GSE1: variants seen among roughly 807,000 people sequenced by gnomAD.
GSE1 encodes the protein Gse1 coiled-coil protein.
GSE1 carries 32 observed loss-of-function variants against 112.6 expected under a neutral mutation model. The ratio of observed to expected loss-of-function variants is 0.28; its 90% CI spans 0.21 to 0.38. The LOEUF (loss-of-function observed/expected upper bound fraction) is 0.38, where lower values mean the gene tolerates loss of function less well. Ranked by LOEUF, GSE1 falls within the 10% of genes least tolerant of loss-of-function variation. GSE1 has a pLI of 1.00. For missense variants in GSE1, 2,348 were observed against 1,699.2 expected (o/e 1.38, Z -6.71); for synonymous variants, 1,115 against 735.6 (o/e 1.52, Z -8.35).
intron 1 of GSE1, among the ~76,000 whole-genome samples, chr16:85,231,329 AGATG>A (rs1164218250): frequency 2.7e-5 from 4 of 146,000 alleles, no homozygotes; most frequent in African/African-American, 5.1e-5. Context: ...ATAGAAGGAC[AGATG>A]GATGGATGGA....
intron 2 of GSE1, among the ~76,000 whole-genome samples, chr16:85,389,460 CAAAAAAAAAAA>C (rs59509773): frequency 2.6e-5 from 2 of 77,842 alleles, no homozygotes; most frequent in Non-Finnish European, 5.2e-5. Context: ...ACTCTGTCTC[CAAAAAAAAAAA>C]AAAAAAAAAA....
chr16:85,291,054 C>T (rs1351135641), intron 1 of GSE1, among the ~76,000 whole-genome samples: 1 of 152,260 alleles, frequency 6.6e-6, no homozygotes, highest in African/African-American at 2.4e-5. Flanking sequence ...CAGGCAGACA[C>T]TGTCCACACA....
chr16:85,246,101 T>C (rs1448606977), intron 1 of GSE1, among the ~76,000 whole-genome samples: 2 of 151,342 alleles, frequency 1.3e-5, no homozygotes, highest in East Asian at 3.9e-4. Flanking sequence ...GCAGGAAACC[T>C]GAGACCACAC....
chr16:85,653,204 TCCTC>T (rs1208838997), intron 3 of GSE1, among the ~76,000 whole-genome samples: 8 of 54 alleles, frequency 0.15, no homozygotes, highest in Non-Finnish European at 0.25. Flanking sequence ...TCCTCCCCCC[TCCTC>T]CCCCCTCCCC....
At chr16:85,307,506 C>A (rs1228187178) in intron 1 of GSE1, among the ~76,000 whole-genome samples, 2 of 152,194 alleles carry the variant, frequency 1.3e-5, no homozygotes, top group African/African-American at 4.8e-5. Context: ...GGGGAGGGAC[C>A]CATGGGGTGA....
At position 85,665,116 on chromosome 16, in the gene GSE1, G is replaced by A. The variant is rs759006305; in HGVS notation, c.2746G>A (p.Val916Ile). ...LTNSPRDSPA[V>I]SLSEPATQQA... ...AAACTCTCCGAGGGACAGTCCTGCC[G>A]TCTCCCTGAGTGGTAAGGGAAGGAT... The change falls in exon 12 of 16, where the codon GTC (valine) becomes ATC (isoleucine). Residue 916 changes from valine (V) to isoleucine (I), a missense_variant. Transcript: ENST00000253458. The A allele has an allele frequency of 3.0e-5, 48 of 1,596,562 alleles. No individual in the cohort carries two copies. In the Middle Eastern group the frequency reaches 5.0e-4, roughly 17 times the overall value.
intron 1 of GSE1, among the ~76,000 whole-genome samples, chr16:85,344,346 T>G (rs1419513086): frequency 1.3e-5 from 2 of 152,150 alleles, no homozygotes; most frequent in Non-Finnish European, 2.9e-5. Context: ...GCCCGCGCGT[T>G]GCTTTTGCCC....
chr16:85,403,769 T>G (rs370189012), intron 2 of GSE1, among the ~76,000 whole-genome samples: 10 of 152,238 alleles, frequency 6.6e-5, no homozygotes, highest in Admixed American at 1.3e-4. Context: ...GCCACTGCAC[T>G]CCAGTCCTGG....
rs1159802556 is a variant in GSE1, at chr16:85,331,661, A to ATGTGTG, written c.2284-25782_2284-25777dup. 4.2e-3 allele frequency among the ~76,000 whole-genome samples: 360 copies of ATGTGTG among 85,362 alleles called. 33 individuals are homozygous for ATGTGTG. Among genetic ancestry groups the ATGTGTG allele is most frequent in the Non-Finnish European group, 6.6e-3 (303 of 45,742 alleles). 56.0% of individuals were successfully genotyped at this position (85,362 alleles called of 152,430 possible). A position where few individuals can be genotyped will look rare whatever the true frequency, so the allele number is the denominator to read the frequency against. ...TATGTGTGTATATATATATGTGTATATGTGTGTGTGTGTGTGTGTGTGTGT... is the reference window on the plus strand; with the variant it reads ...TATGTGTGTATATATATATGTGTATATGTGTGTGTGTGTGTGTGTGTGTGTGTGTGT... On this transcript the variant is annotated intron_variant, in intron 1 of 2. Transcript: ENST00000637419.
At chr16:85,664,848 T>G (rs1598683739) in intron 11 of GSE1, 167 bp from the exon 12 acceptor site, 1 of 603,276 alleles carries the variant, frequency 1.7e-6, no homozygotes, top group East Asian at 2.8e-5. Flanking sequence ...TGGGCTCGCT[T>G]TGAGATGGTT....
intron 2 of GSE1, among the ~76,000 whole-genome samples, chr16:85,641,579 G>C (rs981926722): frequency 6.6e-6 from 1 of 152,280 alleles, no homozygotes; most frequent in Admixed American, 6.5e-5. Context: ...CGTGACTTCA[G>C]CCTTGCGCTG....
intron 1 of GSE1, among the ~76,000 whole-genome samples, chr16:85,569,793 A>C (rs1321311598): frequency 1.3e-5 from 2 of 152,192 alleles, no homozygotes; most frequent in African/African-American, 4.8e-5. Context: ...AAGCCTCTGC[A>C]CTGCATCAGG....
At chr16:85,332,233 C>T (rs934612357) in intron 1 of GSE1, among the ~76,000 whole-genome samples, 4 of 152,310 alleles carry the variant, frequency 2.6e-5, no homozygotes, top group Middle Eastern at 3.4e-3. Context: ...CTGTAGCCGT[C>T]GGCCATGAGA....
chr16:85,220,007 G>A (rs1244756522), intron 1 of GSE1, among the ~76,000 whole-genome samples: 1 of 152,210 alleles, frequency 6.6e-6, no homozygotes, highest in Admixed American at 6.5e-5. Context: ...CTTCAGGTGG[G>A]CGCTCCCTTC....
At chr16:85,235,047 A>T (rs936407790) in intron 1 of GSE1, among the ~76,000 whole-genome samples, 7 of 150,556 alleles carry the variant, frequency 4.6e-5, no homozygotes, top group Non-Finnish European at 8.9e-5. Context: ...GGGACCAGAC[A>T]TCTGTAGATG....
At chr16:85,268,266 A>G (rs1478435411) in intron 1 of GSE1, among the ~76,000 whole-genome samples, 3 of 152,114 alleles carry the variant, frequency 2.0e-5, no homozygotes, top group African/African-American at 7.2e-5. Flanking sequence ...CTGGTGCAGA[A>G]GCATAATTTC....
chr16:85,326,932 C>T lies in GSE1; in HGVS notation c.2284-30531C>T, dbSNP rs972019635. Among the ~76,000 whole-genome samples the T allele has an allele frequency of 3.3e-5, 5 of 152,234 alleles. 1 individual carries two copies. The highest frequency in any genetic ancestry group is 2.0e-4 in the Admixed American group (3 of 15,280). Reference sequence around the variant, plus strand: ...CAAACTTAGCAGCATAAACCATAATCGCTGTTTTTGCTCACAGGTCTGTGA... The same window carrying T: ...CAAACTTAGCAGCATAAACCATAATTGCTGTTTTTGCTCACAGGTCTGTGA... On this transcript the variant is annotated intron_variant, in intron 1 of 2. Transcript: ENST00000637419.
chr16:85,668,491 A>G (rs2053068216), intron 14 of GSE1, 67 bp downstream of exon 14: 1 of 1,115,616 alleles, frequency 9.0e-7, no homozygotes, highest in African/African-American at 1.5e-5. Context: ...AAGCTGAGTG[A>G]TGAGTTCATG....
intron 1 of GSE1, among the ~76,000 whole-genome samples, chr16:85,605,102 C>T (rs1366263938): frequency 1.3e-5 from 2 of 151,412 alleles, no homozygotes; most frequent in African/African-American, 4.9e-5. Context: ...CAGATGTGAG[C>T]CACTGCGCCT....
Sources: allele counts gnomAD v4.1 joint callset (sites outside exome capture counted in the v4.1 genomes callset), GRCh38; gene constraint gnomAD v4.1.1; transcripts MANE v1.5; gene names NCBI Gene and HGNC (gene_info 2026-07-23, HGNC 2026-07-21).